Variants in NPHP1 observed in about 807,000 individuals in gnomAD.
NPHP1 encodes the protein nephrocystin-1.
A neutral mutation model predicts 90.4 loss-of-function variants in NPHP1; 70 were observed. The observed-to-expected ratio is 0.77, with a 90% confidence interval of 0.64 to 0.95. NPHP1 has a LOEUF of 0.95. Among genes scored for constraint, NPHP1 ranks in the 40% least tolerant of loss-of-function variants. NPHP1 has a pLI of 0.00. For synonymous variants in NPHP1, 256 were observed against 271.7 expected (o/e 0.94, Z 0.57); for missense variants, 764 against 795.9 (o/e 0.96, Z 0.48).
chr2:110,147,885 A>G, intron 13 of NPHP1, 31 bp downstream of exon 13: 1 of 1,265,968 alleles, frequency 7.9e-7, no homozygotes, highest in Non-Finnish European at 1.2e-6. Context: ...TAACTGATAC[A>G]TTAGAAAGCC....
At chr2:110,164,271 A>G (rs1300695730) in intron 8 of NPHP1, 3 of 512,326 alleles carry the variant, frequency 5.9e-6, no homozygotes, top group African/African-American at 1.9e-5. Context: ...TCCTGGCCTC[A>G]AGTGATCCTC....
chr2:110,171,046 G>A (rs1683097337), intron 4 of NPHP1, among the ~76,000 whole-genome samples: 1 of 152,060 alleles, frequency 6.6e-6, no homozygotes, highest in Non-Finnish European at 1.5e-5. Context: ...GGTATAATGT[G>A]GGGAACAGAT....
At chr2:110,195,251 AG>A (rs1385220331) in intron 2 of NPHP1, among the ~76,000 whole-genome samples, 12 of 152,298 alleles carry the variant, frequency 7.9e-5, no homozygotes, top group African/African-American at 2.9e-4. Context: ...TTGTATATCT[AG>A]AAAACCCCAT....
chr2:110,167,530 A>G (rs533161651), intron 6 of NPHP1, among the ~76,000 whole-genome samples: 1 of 152,270 alleles, frequency 6.6e-6, no homozygotes, highest in African/African-American at 2.4e-5. Flanking sequence ...CAGAGAGTGC[A>G]TGCCAGCCAC....
At position 110,178,561 on chromosome 2, in the gene NPHP1, T is replaced by C; in HGVS notation, c.205-14A>G. Reference sequence around the variant, plus strand: ...AGATTCATCAGCCTATGAGAGAATATAGGTCTATTTCACTAAAAAATTAAT... The same window carrying C: ...AGATTCATCAGCCTATGAGAGAATACAGGTCTATTTCACTAAAAAATTAAT... On this transcript the variant is annotated splice_polypyrimidine_tract_variant and intron_variant, in intron 3 of 19. Transcript: ENST00000445609. The C allele has an allele frequency of 6.3e-7, 1 of 1,592,450 alleles. No individual in the cohort carries two copies. Among genetic ancestry groups the C allele is most frequent in the Non-Finnish European group, 8.5e-7 (1 of 1,173,244 alleles).
chr2:110,137,018 C>G (rs1200047136), intron 16 of NPHP1, among the ~76,000 whole-genome samples: 1 of 152,048 alleles, frequency 6.6e-6, no homozygotes, highest in Non-Finnish European at 1.5e-5. Context: ...GAAATAATGC[C>G]GCATATCTAC....
At chr2:110,152,289 A>AT (rs397868566) in intron 11 of NPHP1, among the ~76,000 whole-genome samples, 9,669 of 146,720 alleles carry the variant, frequency 0.066, 393 homozygotes, top group African/African-American at 0.12. Context: ...CCTTGGCTCT[A>AT]TTTTTTTTTT....
intron 6 of NPHP1, among the ~76,000 whole-genome samples, chr2:110,167,912 A>G (rs1682828812): frequency 6.6e-6 from 1 of 152,194 alleles, no homozygotes; most frequent in South Asian, 2.1e-4. Context: ...TTGGTGTCAG[A>G]AGTGGCATCA....
chr2:110,179,667 T>A lies in NPHP1; in HGVS notation c.161A>T (p.Gln54Leu). The A allele has an allele frequency of 7.3e-7, 1 of 1,369,696 alleles. No individual in the cohort carries two copies. Among genetic ancestry groups the A allele is most frequent in the South Asian group, 1.2e-5 (1 of 85,762 alleles). 84.8% of individuals were successfully genotyped at this position (1,369,696 alleles called of 1,614,324 possible). The change falls in exon 3 of 20, where the codon CAG becomes CTG. Residue 54 changes from glutamine to leucine, a missense_variant. Physicochemically the swap from Gln to Leu is moderately radical, Grantham distance 113. Coordinates refer to ENST00000445609, the MANE Select transcript of NPHP1 (RefSeq NM_001128178.3). ...AGCATTTTTATTTTCATCTATTGCC[T>A]GCTTTAACTGGATACATCTAAATTA... ...HIYQRCIQLK[Q>L]AIDENKNALQ...
intron 10 of NPHP1, 45 bp from the exon 11 acceptor site, chr2:110,160,300 T>C: frequency 6.7e-7 from 1 of 1,481,954 alleles, no homozygotes; most frequent in Non-Finnish European, 9.4e-7. Context: ...TTATGATTTC[T>C]AACACAAATC....
At chr2:110,197,655 A>G (rs2104699982) in intron 2 of NPHP1, among the ~76,000 whole-genome samples, 2 of 152,290 alleles carry the variant, frequency 1.3e-5, no homozygotes, top group Middle Eastern at 6.8e-3. Flanking sequence ...AGACATCACC[A>G]ACAAGCAAAG....
intron 2 of NPHP1, among the ~76,000 whole-genome samples, chr2:110,201,035 T>A (rs1574216118): frequency 6.6e-6 from 1 of 152,150 alleles, no homozygotes; most frequent in Admixed American, 6.6e-5. Context: ...GATTTTTTTT[T>A]AAGTAAAAAC....
Position 110,204,916 on chromosome 2 carries a change from T to C in NPHP1, c.53A>G (p.Gln18Arg). The part of the protein sequence containing the change: ...DPLQALRRRN[Q>R]ELKQQVDSLL... ...TGACCATACCTGTTGCTTCAGCTCC[T>C]GATTGCGGCGCCGCAGGGCCTGGAG... is the stretch of plus-strand genomic sequence containing the variant. The change falls in exon 1 of 20, where the codon CAG becomes CGG. Residue 18 changes from glutamine (Q) to arginine (R), a missense_variant. Transcript: ENST00000445609. The C allele has an allele frequency of 6.2e-7, 1 of 1,614,026 alleles. No individual in the cohort carries two copies. Among genetic ancestry groups the C allele is most frequent in the Non-Finnish European group, 8.5e-7 (1 of 1,179,944 alleles).
chr2:110,161,532 G>T, intron 10 of NPHP1, 71 bp downstream of exon 10: 2 of 987,676 alleles, frequency 2.0e-6, no homozygotes, highest in South Asian at 1.4e-5. Context: ...CAATTAACAT[G>T]TTGTTTGTCT....
chr2:110,135,694 A>C (rs2104451374), intron 16 of NPHP1, among the ~76,000 whole-genome samples: 1 of 152,196 alleles, frequency 6.6e-6, no homozygotes, highest in East Asian at 1.9e-4. Context: ...AAATCTCAAA[A>C]ACCTTACAAA....
chr2:110,179,577 T>G lies in NPHP1; in HGVS notation c.204+47A>C. 2.2e-6 allele frequency: 2 copies of G among 902,584 alleles called. 1 individual carries two copies. Among genetic ancestry groups the G allele is most frequent in the Middle Eastern group, 4.3e-4 (2 of 4,610 alleles). 55.9% of individuals were successfully genotyped at this position (902,584 alleles called of 1,614,324 possible). A position where few individuals can be genotyped will look rare whatever the true frequency, so the allele number is the denominator to read the frequency against. On this transcript the variant is annotated intron_variant, in intron 3 of 19. Coordinates refer to ENST00000445609, the MANE Select transcript of NPHP1 (RefSeq NM_001128178.3). ...TTAACTTCCACTTAATAAAAATACT[T>G]GTATAGGAAGAGATGTTTTAATAAT...
At chr2:110,195,843 A>T (rs537227161) in intron 2 of NPHP1, among the ~76,000 whole-genome samples, 1 of 152,268 alleles carries the variant, frequency 6.6e-6, no homozygotes, top group Non-Finnish European at 1.5e-5. Context: ...CCTCAGAAAT[A>T]ATGCCATATA....
At chr2:110,149,868 G>C (rs1458033465) in intron 12 of NPHP1, among the ~76,000 whole-genome samples, 1 of 152,102 alleles carries the variant, frequency 6.6e-6, no homozygotes, top group Admixed American at 6.6e-5. Flanking sequence ...AGAAAGCACA[G>C]CTTTTATTAG....
chr2:110,179,266 C>A (rs1004872724), intron 3 of NPHP1, among the ~76,000 whole-genome samples: 1 of 152,132 alleles, frequency 6.6e-6, no homozygotes, highest in Admixed American at 6.5e-5. Context: ...TTACCACTTA[C>A]CCTCAGGGCC....
Sources: allele counts gnomAD v4.1 joint callset (sites outside exome capture counted in the v4.1 genomes callset), GRCh38; gene constraint gnomAD v4.1.1; transcripts MANE v1.5; gene names NCBI Gene and HGNC (gene_info 2026-07-23, HGNC 2026-07-21).